Variants in SDCCAG8 observed in about 807,000 individuals in gnomAD.
The protein encoded by SDCCAG8 is serologically defined colon cancer antigen 8.
Under a neutral mutation model 101.8 loss-of-function variants are expected in SDCCAG8, and 74 were observed. The ratio of observed to expected loss-of-function variants is 0.73; its 90% confidence interval spans 0.60 to 0.88. SDCCAG8 has a LOEUF of 0.88. Ranked by LOEUF, SDCCAG8 falls within the 40% of genes least tolerant of loss-of-function variation. The pLI, the probability that SDCCAG8 is intolerant of heterozygous loss-of-function variation, is 0.00. For missense variants in SDCCAG8, 787 were observed against 822.6 expected (o/e 0.96, Z 0.53); for synonymous variants, 281 against 292.9 (o/e 0.96, Z 0.41).
At chr1:243,270,548 T>G (rs2068001741) in intron 2 of SDCCAG8, among the ~76,000 whole-genome samples, 2 of 152,216 alleles carry the variant, frequency 1.3e-5, no homozygotes. Context: ...ATCTCACAAC[T>G]CATATTCTAG....
chr1:243,271,171 G>T, intron 3 of SDCCAG8, 108 bp downstream of exon 3: 2 of 752,098 alleles, frequency 2.7e-6, no homozygotes, highest in Admixed American at 4.0e-5. Context: ...TACTAATAGT[G>T]AAAAACATTA....
At chr1:243,480,920 G>T (rs898304138) in intron 16 of SDCCAG8, among the ~76,000 whole-genome samples, 1 of 150,560 alleles carries the variant, frequency 6.6e-6, no homozygotes, top group African/African-American at 2.5e-5. Flanking sequence ...GGATGGGAGA[G>T]GTTCAGAAGG....
intron 16 of SDCCAG8, among the ~76,000 whole-genome samples, chr1:243,470,948 C>A (rs903373536): frequency 2.0e-5 from 3 of 152,138 alleles, no homozygotes; most frequent in Non-Finnish European, 2.9e-5. Context: ...GCCCTGAATA[C>A]TTCCTGGTCA....
chr1:243,374,474 G>A (rs144244972), intron 12 of SDCCAG8, among the ~76,000 whole-genome samples: 47 of 152,108 alleles, frequency 3.1e-4, no homozygotes, highest in African/African-American at 1.1e-3. Flanking sequence ...CATAGACCAA[G>A]TACTAAGAAT....
In SDCCAG8 at chr1:243,259,283, T is replaced by G. The variant is rs2067009626; in HGVS notation, c.67+3043T>G. On this transcript the variant is annotated intron_variant, in intron 1 of 17. Transcript: ENST00000366541. ...CTAGCCGGGCGTGGTGGCGGGCGCC[T>G]GTAGTCCCAGCTACTCAGGAGGCTG... Among the ~76,000 whole-genome samples the G allele has an allele frequency of 2.0e-5, 3 of 151,256 alleles. No homozygotes were observed. In the South Asian group the frequency reaches 6.3e-4, roughly 32 times the overall value.
Position 243,489,141 on chromosome 1 carries a change from G to A in SDCCAG8, c.2112+1G>A. On this transcript the variant is annotated splice_donor_variant, in intron 17 of 17. Coordinates refer to ENST00000366541, the MANE Select transcript of SDCCAG8 (RefSeq NM_006642.5). LOFTEE classifies it high-confidence loss of function. The stretch of plus-strand genomic sequence containing the variant: ...AGAGGTGGACCGGCTGCGGACCCAG[G>A]TACTGTGCAGAACGCGGCGCAGGTG... 1 of 1,612,118 alleles carries A rather than the reference G, an allele frequency of 6.2e-7. No individual in the cohort carries two copies. Among genetic ancestry groups the A allele is most frequent in the Non-Finnish European group, 8.5e-7 (1 of 1,179,834 alleles).
intron 13 of SDCCAG8, among the ~76,000 whole-genome samples, chr1:243,402,693 A>G (rs999956714): frequency 6.6e-6 from 1 of 152,162 alleles, no homozygotes; most frequent in East Asian, 1.9e-4. Context: ...TCAGTTTTCC[A>G]GCTTTCCCAC....
At chr1:243,379,492 C>T (rs749041127) in intron 13 of SDCCAG8, among the ~76,000 whole-genome samples, 12 of 152,118 alleles carry the variant, frequency 7.9e-5, no homozygotes, top group Admixed American at 4.6e-4. Context: ...CCCTAAATTA[C>T]AGTAAGACTC....
intron 17 of SDCCAG8, among the ~76,000 whole-genome samples, chr1:243,489,450 C>A (rs1438226856): frequency 1.3e-5 from 2 of 152,318 alleles, no homozygotes; most frequent in East Asian, 1.9e-4. Context: ...AGCGGGAGGA[C>A]GGCCGTGGGC....
chr1:243,484,698 G>T (rs1199657368), intron 16 of SDCCAG8, among the ~76,000 whole-genome samples: 1 of 152,162 alleles, frequency 6.6e-6, no homozygotes, highest in Non-Finnish European at 1.5e-5. Flanking sequence ...CCCGAGAGCC[G>T]GGAGCATTTG....
intron 16 of SDCCAG8, among the ~76,000 whole-genome samples, chr1:243,452,223 T>G (rs2083410444): frequency 6.6e-6 from 1 of 152,170 alleles, no homozygotes; most frequent in Admixed American, 6.5e-5. Flanking sequence ...TGGCCATTTC[T>G]AAGTTTTCTG....
At position 243,270,233 on chromosome 1, in the gene SDCCAG8, C is replaced by T. The variant is rs1380947147; in HGVS notation, c.196C>T (p.Pro66Ser). The change falls in exon 2 of 18, where the codon CCC becomes TCC. Residue 66 changes from proline (P) to serine (S), a missense_variant. Coordinates refer to ENST00000366541, the MANE Select transcript of SDCCAG8 (RefSeq NM_006642.5). ...AAATGAGGACGCCAGGACAGCCTGGCCCGAATTACAACAGAGCCATGCTGG... is the reference window on the plus strand; with the variant it reads ...AAATGAGGACGCCAGGACAGCCTGGTCCGAATTACAACAGAGCCATGCTGG... ...VGNEDARTAWPELQQSHAVNQ... is the reference protein window; with the variant it reads ...VGNEDARTAWSELQQSHAVNQ... The T allele has an allele frequency of 6.2e-7, 1 of 1,613,946 alleles. No homozygotes were observed. The highest frequency in any genetic ancestry group is 8.5e-7 in the Non-Finnish European group (1 of 1,179,984).
At chr1:243,281,075 A>C (rs1461628971) in intron 4 of SDCCAG8, among the ~76,000 whole-genome samples, 2 of 152,176 alleles carry the variant, frequency 1.3e-5, no homozygotes, top group East Asian at 3.8e-4. Context: ...ATATACATTA[A>C]GACTTGTAAC....
chr1:243,295,322 C>T lies in SDCCAG8; in HGVS notation c.675+2103C>T, dbSNP rs149311573. On this transcript the variant is annotated intron_variant, in intron 6 of 17. Transcript: ENST00000366541. ...GTGCCATCTCAGCTCACCACAACCT[C>T]AGCCTCCCGGGTGCAAGCGATTCTC... 8.7e-3 allele frequency among the ~76,000 whole-genome samples: 1,328 copies of T among 152,226 alleles called. 9 individuals are homozygous for T. Among genetic ancestry groups the T allele is most frequent in the Non-Finnish European group, 0.014 (969 of 68,016 alleles).
intron 16 of SDCCAG8, among the ~76,000 whole-genome samples, chr1:243,452,430 TTTTTTTTTTTG>T (rs1411315391): frequency 2.1e-5 from 3 of 144,056 alleles, no homozygotes; most frequent in African/African-American, 7.9e-5. Context: ...TTTTTTTTTT[TTTTTTTTTTTG>T]GGACAGTATC....
chr1:243,461,032 G>A (rs929618856), intron 16 of SDCCAG8, among the ~76,000 whole-genome samples: 3 of 152,158 alleles, frequency 2.0e-5, no homozygotes, highest in African/African-American at 7.2e-5. Flanking sequence ...TGCCTTACGG[G>A]TACACATTTT....
chr1:243,485,517 ATCTCT>A (rs1664602200), intron 16 of SDCCAG8, among the ~76,000 whole-genome samples: 1 of 152,166 alleles, frequency 6.6e-6, no homozygotes. Flanking sequence ...ACCCCAAGAA[ATCTCT>A]TCTGAATGAA....
chr1:243,324,469 T>TTA, intron 9 of SDCCAG8, among the ~76,000 whole-genome samples: 1 of 146,848 alleles, frequency 6.8e-6, no homozygotes, highest in African/African-American at 2.5e-5. Flanking sequence ...CTTTTTTTTT[T>TTA]TTTTTTTTTT....
chr1:243,282,204 C>A (rs536222840), intron 4 of SDCCAG8, among the ~76,000 whole-genome samples: 1 of 146,946 alleles, frequency 6.8e-6, no homozygotes, highest in Non-Finnish European at 1.5e-5. Context: ...AATTGTACTT[C>A]TTTTTTTTTT....
Sources: allele counts gnomAD v4.1 joint callset (sites outside exome capture counted in the v4.1 genomes callset), GRCh38; gene constraint gnomAD v4.1.1; transcripts MANE v1.5; gene names NCBI Gene and HGNC (gene_info 2026-07-23, HGNC 2026-07-21).